BLTP1: variants seen among roughly 807,000 people sequenced by gnomAD.
The protein encoded by BLTP1 is bridge-like lipid transfer protein family member 1.
the BLTP1 span, chr4:122,344,124 A>G: frequency 4.4e-6 from 2 of 450,142 alleles, no homozygotes; most frequent in Non-Finnish European, 5.9e-6. Context: ...TGATGAAAAC[A>G]TATATTCCAC....
At chr4:122,274,264 T>C in the BLTP1 span, 2 of 854,578 alleles carry the variant, frequency 2.3e-6, no homozygotes, top group Non-Finnish European at 3.7e-6. Flanking sequence ...GAATATATTA[T>C]GAATAAAATG....
chr4:122,251,728 C>T, the BLTP1 span: 1 of 414,822 alleles, frequency 2.4e-6, no homozygotes, highest in Admixed American at 6.4e-5. Flanking sequence ...TCTTTGGGTT[C>T]TCTGACTTTA....
the BLTP1 span, chr4:122,349,668 A>C: frequency 1.3e-6 from 2 of 1,583,320 alleles, no homozygotes; most frequent in Non-Finnish European, 8.6e-7. The surrounding 1 kb of genome is among the most constrained non-coding windows in gnomAD (Gnocchi z 4.5). Context: ...TACTTTTTGG[A>C]CACTTTACAT....
chr4:122,344,449 T>C, the BLTP1 span: 1 of 1,614,022 alleles, frequency 6.2e-7, no homozygotes, highest in South Asian at 1.1e-5. Flanking sequence ...ACCTTGAGTT[T>C]GTAAAAGTGA....
chr4:122,347,670 T>G, the BLTP1 span: 1 of 1,613,792 alleles, frequency 6.2e-7, no homozygotes, highest in Admixed American at 1.7e-5. Context: ...ATGTGTTCAA[T>G]GAGCATATGA....
At chr4:122,223,415 C>T in the BLTP1 span, among the ~76,000 whole-genome samples, 2 of 152,302 alleles carry the variant, frequency 1.3e-5, no homozygotes, top group African/African-American at 4.8e-5. Flanking sequence ...TCTGTGAACA[C>T]TTGCTGTGAA....
chr4:122,200,573 C>T, the BLTP1 span: 29 of 665,728 alleles, frequency 4.4e-5, no homozygotes, highest in African/African-American at 2.5e-4. Context: ...AGTGAGACTC[C>T]GTCTCAAAAC....
the BLTP1 span, chr4:122,281,333 G>A: frequency 2.4e-5 from 23 of 974,318 alleles, no homozygotes; most frequent in Middle Eastern, 1.1e-3. Context: ...GTCTCATATT[G>A]TTATTACTTT....
the BLTP1 span, chr4:122,194,325 A>G: frequency 1.9e-5 from 3 of 156,684 alleles, no homozygotes; most frequent in African/African-American, 7.2e-5. Context: ...TTCTTGCATT[A>G]TGCTAAAACA....
chr4:122,209,309 C>T, the BLTP1 span: 8 of 1,612,148 alleles, frequency 5.0e-6, no homozygotes, highest in Admixed American at 1.2e-4. Context: ...AACAGTTAAA[C>T]CAAAATGGCG....
the BLTP1 span, chr4:122,254,061 A>G: frequency 1.3e-6 from 1 of 778,954 alleles, no homozygotes; most frequent in Non-Finnish European, 2.0e-6. Flanking sequence ...AATATCCTTC[A>G]AACCTGAAGG....
At chr4:122,270,414 T>C in the BLTP1 span, 1 of 888,684 alleles carries the variant, frequency 1.1e-6, no homozygotes, top group Middle Eastern at 5.8e-4. Flanking sequence ...AAATTTGAGA[T>C]ATTTTTGACT....
the BLTP1 span, among the ~76,000 whole-genome samples, chr4:122,184,428 C>G: frequency 6.6e-6 from 1 of 152,120 alleles, no homozygotes; most frequent in Non-Finnish European, 1.5e-5. Flanking sequence ...CACCTGAGGT[C>G]AGGAGCTCGA....
chr4:122,301,174 G>C, the BLTP1 span: 5 of 1,172,104 alleles, frequency 4.3e-6, no homozygotes, highest in East Asian at 5.7e-5. Flanking sequence ...ATGTAACTTA[G>C]CTAAAGATCT....
chr4:122,167,623 A>G, the BLTP1 span: 9 of 983,094 alleles, frequency 9.2e-6, no homozygotes, highest in Non-Finnish European at 1.1e-5. Flanking sequence ...TCCTGTGCCT[A>G]ACTTCTCCCC....
the BLTP1 span, among the ~76,000 whole-genome samples, chr4:122,360,495 C>G: frequency 1.3e-5 from 2 of 152,026 alleles, no homozygotes; most frequent in Non-Finnish European, 2.9e-5. Context: ...TTTTAAAAAT[C>G]CATTACATCC....
At chr4:122,362,340 A>G in the BLTP1 span, 2 of 945,732 alleles carry the variant, frequency 2.1e-6, no homozygotes, top group South Asian at 3.6e-5. Context: ...TATAACTTTA[A>G]AATAATTCTA....
the BLTP1 span, chr4:122,153,215 AG>A: frequency 5.8e-6 from 1 of 173,774 alleles, no homozygotes; most frequent in Non-Finnish European, 1.1e-5. Context: ...CGTTTGTTAA[AG>A]GTAAAAGTTC....
the BLTP1 span, chr4:122,248,163 C>T: frequency 7.2e-6 from 7 of 972,230 alleles, no homozygotes; most frequent in Non-Finnish European, 3.7e-6. Context: ...AGCATTTGAC[C>T]TGAGGTTTTC....
Sources: gnomAD v4.1 joint callset for allele counts (sites outside exome capture counted in the v4.1 genomes callset) on GRCh38, gnomAD v4.1.1 for gene constraint, Gnocchi (gnomAD v3.1) non-coding constraint, MANE v1.5 for transcripts, NCBI Gene and HGNC (gene_info 2026-07-23, HGNC 2026-07-21) for gene names.